The following DNAJB6 variants were observed in gnomAD, a reference collection of about 807,000 sequenced individuals.
DNAJB6 encodes dnaJ homolog subfamily B member 6.
Under a neutral mutation model 42.7 loss-of-function variants are expected in DNAJB6, and 16 were observed. The ratio of observed to expected loss-of-function variants is 0.37; its 90% CI spans 0.25 to 0.57. DNAJB6 has a LOEUF of 0.57. DNAJB6 is among the 20% of genes least tolerant of loss of function. DNAJB6 has a pLI of 0.74. For synonymous variants in DNAJB6, 170 were observed against 163.5 expected, an observed-to-expected ratio of 1.04 and a Z score of -0.30; for missense variants, 347 against 416.8, an observed-to-expected ratio of 0.83 and a Z score of 1.46.
At chr7:157,361,350 G>A (rs1799582294) in intron 2 of DNAJB6, among the ~76,000 whole-genome samples, 1 of 151,942 alleles carries the variant, frequency 6.6e-6, no homozygotes, top group Non-Finnish European at 1.5e-5. Context: ...ATAGAGACGG[G>A]GTTTCACCAT....
intron 8 of DNAJB6, among the ~76,000 whole-genome samples, chr7:157,391,457 G>T (rs561842692): frequency 6.8e-4 from 103 of 152,358 alleles, no homozygotes; most frequent in African/African-American, 2.3e-3. Context: ...TCCCTGCACA[G>T]ATGAATTGGC....
intron 8 of DNAJB6, among the ~76,000 whole-genome samples, chr7:157,403,946 G>A (rs989677108): frequency 4.6e-5 from 7 of 152,118 alleles, no homozygotes; most frequent in Non-Finnish European, 7.4e-5. Context: ...TCTTGAGGGT[G>A]GGAAGGAACA....
intron 2 of DNAJB6, among the ~76,000 whole-genome samples, chr7:157,362,841 G>A (rs1479025885): frequency 6.6e-6 from 1 of 151,606 alleles, no homozygotes. Context: ...AGACAGTCTT[G>A]TTCTGTCGCC....
intron 1 of DNAJB6, among the ~76,000 whole-genome samples, chr7:157,350,262 A>G (rs982865288): frequency 1.3e-5 from 2 of 152,182 alleles, no homozygotes; most frequent in Non-Finnish European, 2.9e-5. Flanking sequence ...GGGAGGGACC[A>G]GGTAGGTCAG....
At chr7:157,364,633 G>T (rs889918525) in intron 3 of DNAJB6, among the ~76,000 whole-genome samples, 3 of 152,174 alleles carry the variant, frequency 2.0e-5, no homozygotes, top group Admixed American at 6.5e-5. Flanking sequence ...CTTGGTCTTC[G>T]GTCCTTGTTG....
At chr7:157,350,720 T>C (rs773832603) in intron 1 of DNAJB6, among the ~76,000 whole-genome samples, 2 of 151,800 alleles carry the variant, frequency 1.3e-5, no homozygotes, top group African/African-American at 2.4e-5. Context: ...GATGGAGTCT[T>C]ACTCTGTCTC....
intron 8 of DNAJB6, among the ~76,000 whole-genome samples, chr7:157,394,365 T>C (rs2117135743): frequency 6.6e-6 from 1 of 152,326 alleles, no homozygotes; most frequent in East Asian, 1.9e-4. Context: ...CCTGTGTATC[T>C]ACCTTAAAAA....
At chr7:157,399,142 A>G (rs890169847) in intron 8 of DNAJB6, among the ~76,000 whole-genome samples, 1 of 152,214 alleles carries the variant, frequency 6.6e-6, no homozygotes, top group Admixed American at 6.5e-5. Context: ...TGTTTGTAGA[A>G]GTTCCGCTGA....
intron 1 of DNAJB6, among the ~76,000 whole-genome samples, chr7:157,351,366 T>C (rs139819102): frequency 0.015 from 2,322 of 152,152 alleles, 54 homozygotes; most frequent in East Asian, 0.06. Context: ...CGGTGGCTCA[T>C]GTCTGTAATC....
At chr7:157,408,273 C>T (rs971746911) in intron 8 of DNAJB6, among the ~76,000 whole-genome samples, 2 of 152,166 alleles carry the variant, frequency 1.3e-5, no homozygotes, top group Non-Finnish European at 2.9e-5. Flanking sequence ...GTTTACGGTG[C>T]TTGGTTAAAT....
chr7:157,381,995 T>A, intron 5 of DNAJB6: 1 of 327,212 alleles, frequency 3.1e-6, no homozygotes, highest in South Asian at 4.6e-5. Flanking sequence ...GTGTATGTGC[T>A]GTTTTTTTAA....
At chr7:157,387,995 A>G (rs1172479251) in intron 8 of DNAJB6, among the ~76,000 whole-genome samples, 1 of 151,958 alleles carries the variant, frequency 6.6e-6, no homozygotes, top group Admixed American at 6.6e-5. Flanking sequence ...ACAGGCACCC[A>G]CCACCACACT....
At chr7:157,413,644 A>AG (rs1277799811) in intron 9 of DNAJB6, 3 of 151,616 alleles carry the variant, frequency 2.0e-5, no homozygotes, top group African/African-American at 7.3e-5. Context: ...CCGGTGCCCA[A>AG]GGCCATGTCT....
intron 9 of DNAJB6, chr7:157,415,434 A>T (rs773624208): frequency 1.3e-5 from 2 of 152,976 alleles, no homozygotes; most frequent in African/African-American, 2.4e-5. Flanking sequence ...GCTGGCAAAC[A>T]TGAGGCCAGT....
At chr7:157,414,694 A>AGTGTG (rs1369345300) in intron 9 of DNAJB6, 7 of 152,316 alleles carry the variant, frequency 4.6e-5, no homozygotes, top group Admixed American at 6.5e-5. Context: ...GTCACAGGCG[A>AGTGTG]GTGTGGTGTG....
At chr7:157,410,338 GGCCTGTGGCTT>G (rs1795929952) in intron 9 of DNAJB6, 1 of 468,508 alleles carries the variant, frequency 2.1e-6, no homozygotes, top group Admixed American at 4.2e-5. Flanking sequence ...TAGAGCTTGA[GGCCTGTGGCTT>G]AGGCCGGGTG....
chr7:157,369,147 C>T lies in DNAJB6; in HGVS notation c.346+1664C>T, dbSNP rs188472611. The T allele has an allele frequency of 6.9e-5, 27 of 388,954 alleles. No individual in the cohort carries two copies. In the East Asian group the frequency reaches 1.5e-3, roughly 22 times the overall value. 24.1% of individuals were successfully genotyped at this position (388,954 alleles called of 1,614,324 possible). On this transcript the variant is annotated intron_variant, in intron 5 of 9. Transcript: ENST00000262177. ...TCCGATTAGGGGACCGGGAGACTGG[C>T]GTGCTCATCGTTTAAGTGCATTTGC...
At chr7:157,415,318 T>G (rs1462811640) in intron 9 of DNAJB6, 1 of 152,224 alleles carries the variant, frequency 6.6e-6, no homozygotes, top group Non-Finnish European at 1.5e-5. Context: ...TCTTTCTCCA[T>G]GCACTTCAGC....
In DNAJB6 at chr7:157,416,000, A is replaced by G; in HGVS notation, c.899-16A>G. 1 of 1,614,190 alleles carries G rather than the reference A, an allele frequency of 6.2e-7. No homozygotes were observed. Among genetic ancestry groups the G allele is most frequent in the Non-Finnish European group, 8.5e-7 (1 of 1,180,042 alleles). On this transcript the variant is annotated splice_polypyrimidine_tract_variant and intron_variant, in intron 9 of 9. Transcript: ENST00000262177. ...GTGCTGTTCCGTACAGTGTTTTACA[A>G]GCCGTGTTTCCTTAGGATTGAAAGA... is the stretch of plus-strand genomic sequence containing the variant.
Sources: allele counts gnomAD v4.1 joint callset (sites outside exome capture counted in the v4.1 genomes callset), GRCh38; gene constraint gnomAD v4.1.1; transcripts MANE v1.5; gene names NCBI Gene and HGNC (gene_info 2026-07-23, HGNC 2026-07-21).